FOXP2: variants seen among roughly 807,000 people sequenced by gnomAD.
FOXP2 encodes the protein forkhead box protein P2.
FOXP2 carries 12 observed loss-of-function variants against 115.8 expected under a neutral mutation model. The ratio of observed to expected loss-of-function variants is 0.10; its 90% CI spans 0.07 to 0.17. The LOEUF (loss-of-function observed/expected upper bound fraction) is 0.17. Ranked by LOEUF, FOXP2 falls within the 10% of genes least tolerant of loss-of-function variation. The pLI is 1.00. For synonymous variants in FOXP2, 328 were observed against 297.7 expected (o/e 1.10, Z -1.05); for missense variants, 629 against 843.5 (o/e 0.75, Z 3.15).
intron 3 of FOXP2, among the ~76,000 whole-genome samples, chr7:114,536,590 G>C (rs932900543): frequency 7.9e-5 from 12 of 151,186 alleles, no homozygotes; most frequent in African/African-American, 2.7e-4. Flanking sequence ...GTCCAGTCTT[G>C]TTGTTTTAGC....
At chr7:114,391,112 G>A (rs887080843) in intron 2 of FOXP2, among the ~76,000 whole-genome samples, 3 of 151,974 alleles carry the variant, frequency 2.0e-5, no homozygotes, top group African/African-American at 4.8e-5. Flanking sequence ...GCTTGAACCC[G>A]GGAGGCGGAG....
At chr7:114,385,868 C>T (rs1169526004) in intron 2 of FOXP2, among the ~76,000 whole-genome samples, 1 of 152,206 alleles carries the variant, frequency 6.6e-6, no homozygotes, top group Non-Finnish European at 1.5e-5. Flanking sequence ...GGTGGCAAGC[C>T]TCGTCTTCTC....
chr7:114,651,131 A>C (rs959670109), intron 8 of FOXP2, among the ~76,000 whole-genome samples: 6 of 152,074 alleles, frequency 3.9e-5, no homozygotes, highest in Non-Finnish European at 7.4e-5. Flanking sequence ...CAGTATACCC[A>C]GGGCTATTAT....
At chr7:114,123,778 G>A (rs566865119) in intron 1 of FOXP2, among the ~76,000 whole-genome samples, 11 of 152,130 alleles carry the variant, frequency 7.2e-5, no homozygotes, top group East Asian at 5.8e-4. Flanking sequence ...TTATTCTTAC[G>A]TACAAAATAT....
At chr7:114,182,170 T>C (rs1418676106) in intron 1 of FOXP2, among the ~76,000 whole-genome samples, 1 of 152,046 alleles carries the variant, frequency 6.6e-6, no homozygotes, top group Non-Finnish European at 1.5e-5. Flanking sequence ...CTGTGTAAAA[T>C]AAATGATGGT....
chr7:114,231,946 A>G (rs559612532), intron 1 of FOXP2, among the ~76,000 whole-genome samples: 14 of 152,344 alleles, frequency 9.2e-5, no homozygotes, highest in African/African-American at 2.9e-4. Flanking sequence ...GGTAGAAAGT[A>G]TCTGTAAACC....
chr7:114,328,112 G>A (rs1376249016), intron 2 of FOXP2, among the ~76,000 whole-genome samples: 1 of 151,126 alleles, frequency 6.6e-6, no homozygotes, highest in Non-Finnish European at 1.5e-5. Context: ...TAGAGATGGG[G>A]TTTTGCCATG....
At chr7:114,343,488 A>C (rs1255518978) in intron 2 of FOXP2, among the ~76,000 whole-genome samples, 1 of 151,598 alleles carries the variant, frequency 6.6e-6, no homozygotes, top group South Asian at 2.1e-4. Context: ...AGTTAGGCTC[A>C]TTGTACTATT....
intron 1 of FOXP2, among the ~76,000 whole-genome samples, chr7:114,122,164 A>G (rs1242069225): frequency 6.6e-6 from 1 of 152,138 alleles, no homozygotes; most frequent in Non-Finnish European, 1.5e-5. Context: ...CACTTAAGCC[A>G]TTGCTAAGAT....
At chr7:114,441,596 TC>T (rs1184069018) in intron 2 of FOXP2, among the ~76,000 whole-genome samples, 1 of 152,218 alleles carries the variant, frequency 6.6e-6, no homozygotes, top group Non-Finnish European at 1.5e-5. Flanking sequence ...TATATTCTAT[TC>T]AAATAAGCAA....
chr7:114,316,771 T>A (rs1797288210), intron 2 of FOXP2, among the ~76,000 whole-genome samples: 1 of 152,156 alleles, frequency 6.6e-6, no homozygotes. Context: ...AGTTAGAAAG[T>A]ATTATAGAGT....
chr7:114,559,666 A>C (rs1291872849), intron 3 of FOXP2, among the ~76,000 whole-genome samples: 2 of 152,068 alleles, frequency 1.3e-5, no homozygotes, highest in Non-Finnish European at 2.9e-5. Context: ...GCAGATCACG[A>C]GGTCAGGAGA....
intron 6 of FOXP2, among the ~76,000 whole-genome samples, chr7:114,632,604 T>A (rs1326805225): frequency 6.6e-6 from 1 of 152,166 alleles, no homozygotes; most frequent in Non-Finnish European, 1.5e-5. Context: ...TGGCTGCACA[T>A]TTTGCTGATT....
chr7:114,285,777 A>G (rs956936487), intron 1 of FOXP2, among the ~76,000 whole-genome samples: 12 of 151,930 alleles, frequency 7.9e-5, no homozygotes, highest in Non-Finnish European at 1.8e-4. Context: ...TCTGCTTCTG[A>G]ACATTTCCTT....
At chr7:114,433,194 C>G (rs1794189613) in intron 2 of FOXP2, among the ~76,000 whole-genome samples, 1 of 151,898 alleles carries the variant, frequency 6.6e-6, no homozygotes, top group South Asian at 2.1e-4. Flanking sequence ...TCTTATTGAG[C>G]ATTTGTGTCC....
chr7:114,357,880 G>A (rs1237277923), intron 2 of FOXP2, among the ~76,000 whole-genome samples: 1 of 152,092 alleles, frequency 6.6e-6, no homozygotes, highest in African/African-American at 2.4e-5. Flanking sequence ...AACCAATTTA[G>A]AGATTGTCAT....
At chr7:114,631,469 G>A (rs1804917158) in intron 5 of FOXP2, 59 bp from the exon 6 acceptor site, 2 of 1,549,688 alleles carry the variant, frequency 1.3e-6, no homozygotes, top group South Asian at 1.2e-5. Flanking sequence ...CCCTGTAAGA[G>A]AGCTGTTTGT....
chr7:114,561,229 T>C (rs1245537702), intron 3 of FOXP2: 1 of 152,218 alleles, frequency 6.6e-6, no homozygotes, highest in African/African-American at 2.4e-5. Flanking sequence ...GGGTAGGCAA[T>C]ATCAACAGAT....
intron 1 of FOXP2, among the ~76,000 whole-genome samples, chr7:114,134,527 A>C (rs978391810): frequency 5.3e-5 from 8 of 151,566 alleles, no homozygotes; most frequent in Non-Finnish European, 8.8e-5. Context: ...TCCCGGCTAA[A>C]ACGGTGAAAC....
Sources: gnomAD v4.1 joint callset for allele counts (sites outside exome capture counted in the v4.1 genomes callset) on GRCh38, gnomAD v4.1.1 for gene constraint, MANE v1.5 for transcripts, NCBI Gene and HGNC (gene_info 2026-07-23, HGNC 2026-07-21) for gene names.